SLC18A1: variants seen among roughly 807,000 people sequenced by gnomAD.
SLC18A1 encodes chromaffin granule amine transporter.
In SLC18A1, 69 loss-of-function variants were observed where a neutral mutation model predicts 53.7. The ratio of observed to expected loss-of-function variants is 1.28; its 90% CI spans 1.06 to 1.57. The LOEUF (loss-of-function observed/expected upper bound fraction) is 1.57, where lower values mean the gene tolerates loss of function less well. SLC18A1 is among the 40% of genes most tolerant of loss of function. The probability of loss-of-function intolerance (pLI) is 0.00; values close to 1 mark genes in which losing one functional copy is unlikely to be tolerated. For missense variants in SLC18A1, 932 were observed against 668.1 expected (o/e 1.40, Z -4.35); for synonymous variants, 320 against 248.1 (o/e 1.29, Z -2.72).
At chr8:20,171,809 A>G (rs1411153735) in intron 6 of SLC18A1, among the ~76,000 whole-genome samples, 1 of 152,230 alleles carries the variant, frequency 6.6e-6, no homozygotes, top group Non-Finnish European at 1.5e-5. Context: ...ATGAAAGCAC[A>G]GTCAATGTCT....
chr8:20,179,219 A>C lies in SLC18A1; in HGVS notation c.390T>G (p.Gly130=), dbSNP rs1254719964. 1.9e-6 allele frequency: 3 copies of C among 1,614,034 alleles called. No individual in the cohort carries two copies. Among genetic ancestry groups the C allele is most frequent in the East Asian group, 2.2e-5 (1 of 44,882 alleles). Residue 130 remains glycine, a synonymous_variant, in exon 3 of 16, where the codon GGT becomes GGG. Coordinates refer to ENST00000276373, the MANE Select transcript of SLC18A1 (RefSeq NM_003053.4). The part of the protein sequence containing the change: ...AHKNNCLQGT[G]FLEEEITRVG... ...CCCGGGTAATCTCTTCCTCCAAGAA[A>C]CCTGTGCCTTGCAAGCAGTTGTTTT...
intron 10 of SLC18A1, among the ~76,000 whole-genome samples, chr8:20,161,906 C>G (rs2128873118): frequency 6.6e-6 from 1 of 152,280 alleles, no homozygotes; most frequent in African/African-American, 2.4e-5. Context: ...TGCAGGCCAC[C>G]ATGCTGGTGC....
intron 8 of SLC18A1, among the ~76,000 whole-genome samples, chr8:20,168,083 T>C (rs2072015530): frequency 6.6e-6 from 1 of 152,124 alleles, no homozygotes; most frequent in Non-Finnish European, 1.5e-5. Context: ...TATGTTAAAA[T>C]GACACAGCAA....
At chr8:20,171,365 C>G (rs1330551778) in intron 7 of SLC18A1, 40 bp downstream of exon 7, 3 of 1,554,784 alleles carry the variant, frequency 1.9e-6, no homozygotes, top group African/African-American at 2.7e-5. Context: ...CCCAACCTGA[C>G]CTGGGCTGTC....
intron 15 of SLC18A1, among the ~76,000 whole-genome samples, chr8:20,146,822 CAAAAAAA>C (rs10604873): frequency 7.3e-6 from 1 of 137,714 alleles, no homozygotes; most frequent in Non-Finnish European, 1.6e-5. Context: ...GAAACTCCAT[CAAAAAAA>C]AAAAAAAAAA....
At chr8:20,168,793 C>G (rs1250546114) in intron 8 of SLC18A1, among the ~76,000 whole-genome samples, 1 of 152,168 alleles carries the variant, frequency 6.6e-6, no homozygotes, top group African/African-American at 2.4e-5. Flanking sequence ...TGGTCTCAAA[C>G]TCCTGGTCTC....
At chr8:20,181,678 C>G (rs1242150417) in intron 1 of SLC18A1, 3 of 152,122 alleles carry the variant, frequency 2.0e-5, no homozygotes, top group Non-Finnish European at 4.4e-5. Context: ...GTTCTAGGTG[C>G]TACCCCAAAA....
chr8:20,173,504 C>T (rs1199984336), intron 5 of SLC18A1, among the ~76,000 whole-genome samples: 3 of 152,138 alleles, frequency 2.0e-5, no homozygotes, highest in Admixed American at 6.5e-5. Flanking sequence ...TTCTATTTAA[C>T]AGGGGTGCCC....
chr8:20,145,896 G>C lies in SLC18A1; in HGVS notation c.1465-20C>G, dbSNP rs531414448. 1 of 1,419,840 alleles carries C rather than the reference G, an allele frequency of 7.0e-7. No individual in the cohort carries two copies. The highest frequency in any genetic ancestry group is 2.3e-5 in the East Asian group (1 of 43,188). 88.0% of individuals were successfully genotyped at this position (1,419,840 alleles called of 1,614,324 possible). A position where few individuals can be genotyped will look rare whatever the true frequency, so the allele number is the denominator to read the frequency against. On this transcript the variant is annotated intron_variant, in intron 15 of 15. Coordinates refer to ENST00000276373, the MANE Select transcript of SLC18A1 (RefSeq NM_003053.4). ...AATAGCCTGCAGAGAGAGGCAAGAA[G>C]AGAAGCCACTGCACATTATTATCAT...
intron 4 of SLC18A1, among the ~76,000 whole-genome samples, chr8:20,176,364 T>C (rs1317490226): frequency 6.6e-6 from 1 of 152,172 alleles, no homozygotes; most frequent in Non-Finnish European, 1.5e-5. Context: ...CAGATGCTGG[T>C]GTCATGCTTC....
intron 12 of SLC18A1, among the ~76,000 whole-genome samples, chr8:20,149,408 C>T (rs953080055): frequency 3.9e-5 from 6 of 152,028 alleles, no homozygotes; most frequent in Non-Finnish European, 8.8e-5. Context: ...CCCTACAGCC[C>T]TCTTCCTCTC....
At chr8:20,180,642 G>C (rs553005052) in intron 2 of SLC18A1, among the ~76,000 whole-genome samples, 199 bp downstream of exon 2, 1 of 152,308 alleles carries the variant, frequency 6.6e-6, no homozygotes, top group South Asian at 2.1e-4. Flanking sequence ...TGAACCTCCT[G>C]AGTCTTTTAG....
chr8:20,159,785 C>T (rs747176663), intron 10 of SLC18A1, among the ~76,000 whole-genome samples: 5 of 152,124 alleles, frequency 3.3e-5, no homozygotes, highest in South Asian at 2.1e-4. Flanking sequence ...TCGTGCCTGT[C>T]GCAGAGTAAG....
chr8:20,151,352 G>T (rs182446116), intron 10 of SLC18A1, among the ~76,000 whole-genome samples: 44 of 152,076 alleles, frequency 2.9e-4, no homozygotes, highest in African/African-American at 1.0e-3. Context: ...GCCCTGATGA[G>T]CCGTTCTCAT....
intron 3 of SLC18A1, 136 bp downstream of exon 3, chr8:20,178,985 G>T: frequency 9.7e-7 from 1 of 1,029,204 alleles, no homozygotes; most frequent in Non-Finnish European, 1.4e-6. Flanking sequence ...TGAGTAACGA[G>T]CTTTCCGAAT....
chr8:20,165,090 G>T lies in SLC18A1; in HGVS notation c.876C>A (p.Pro292=). 6.2e-7 allele frequency: 1 copy of T among 1,614,146 alleles called. No individual in the cohort carries two copies. The highest frequency in any genetic ancestry group is 2.2e-5 in the East Asian group (1 of 44,884). ...KVSPESAKGT[P]LFMLLKDPYI... is the part of the protein sequence containing the mutation. The stretch of plus-strand genomic sequence containing the variant: ...AAGGGTCTTTGAGAAGCATAAAGAG[G>T]GGAGTCCCCTTGGCACTCTGAGAAC... The change falls in exon 9 of 16, where the codon CCC becomes CCA. Residue 292 remains proline (P), a synonymous_variant. Coordinates refer to ENST00000276373, the MANE Select transcript of SLC18A1 (RefSeq NM_003053.4).
chr8:20,174,541 T>C, intron 4 of SLC18A1, 97 bp from the exon 5 acceptor site: 1 of 753,202 alleles, frequency 1.3e-6, no homozygotes, highest in Non-Finnish European at 2.4e-6. Flanking sequence ...GATATGAGTC[T>C]TGATGCATAT....
Position 20,147,696 on chromosome 8 carries a change from TG to T in SLC18A1, c.1236del (p.Ile413SerfsTer31). ...CGTAGATCCACCAGGTGCCCCATGA[TG>T]GGCATCATAGAAGAATCCACCATGC... is the stretch of plus-strand genomic sequence containing the variant. Reference protein sequence around the residue: ...AIGMVDSSMMPIMGHLVDLRH... With the variant: ...AIGMVDSSMMXIMGHLVDLRH... On this transcript the variant is annotated frameshift_variant, in exon 14 of 16. Coordinates refer to ENST00000276373, the MANE Select transcript of SLC18A1 (RefSeq NM_003053.4). LOFTEE classifies it high-confidence loss of function. The T allele has an allele frequency of 6.2e-7, 1 of 1,613,728 alleles. No homozygotes were observed. Among genetic ancestry groups the T allele is most frequent in the Non-Finnish European group, 8.5e-7 (1 of 1,179,904 alleles).
chr8:20,158,641 GC>G (rs2128871720), intron 10 of SLC18A1, among the ~76,000 whole-genome samples: 1 of 152,266 alleles, frequency 6.6e-6, no homozygotes, highest in South Asian at 2.1e-4. Context: ...GTAAAACTAT[GC>G]AACAGCCCCT....
Sources: gnomAD v4.1 joint callset for allele counts (sites outside exome capture counted in the v4.1 genomes callset) on GRCh38, gnomAD v4.1.1 for gene constraint, MANE v1.5 for transcripts, NCBI Gene and HGNC (gene_info 2026-07-23, HGNC 2026-07-21) for gene names.